Variants in CCDC171 observed in about 807,000 individuals in gnomAD.
CCDC171 encodes the protein coiled-coil domain containing 171.
Under a neutral mutation model 168.2 loss-of-function variants are expected in CCDC171, and 177 were observed. The ratio of observed to expected loss-of-function variants is 1.05; its 90% CI spans 0.93 to 1.19. CCDC171 has a LOEUF of 1.19. CCDC171 is among the 50% of genes most tolerant of loss of function. The probability of loss-of-function intolerance (pLI) is 0.00; values close to 1 mark genes in which losing one functional copy is unlikely to be tolerated. For synonymous variants in CCDC171, 687 were observed against 540.8 expected (o/e 1.27, Z -3.75); for missense variants, 1,991 against 1,539.0 (o/e 1.29, Z -4.91).
intron 9 of CCDC171, among the ~76,000 whole-genome samples, chr9:15,675,910 T>C (rs1434485679): frequency 6.6e-6 from 1 of 152,306 alleles, no homozygotes; most frequent in East Asian, 1.9e-4. Flanking sequence ...TGAATTTGAA[T>C]GTTGTCTTGT....
At chr9:15,884,186 C>G (rs1426224513) in intron 24 of CCDC171, among the ~76,000 whole-genome samples, 1 of 152,012 alleles carries the variant, frequency 6.6e-6, no homozygotes. Flanking sequence ...ACCCCTTGAC[C>G]CTGAATTCTT....
At chr9:16,085,092 C>T in the CCDC171 span, among the ~76,000 whole-genome samples, 2 of 152,138 alleles carry the variant, frequency 1.3e-5, no homozygotes, top group African/African-American at 2.4e-5. Context: ...CTGGGAGGGG[C>T]CCTACTGAAC....
chr9:15,630,582 C>CT (rs1183537133), intron 7 of CCDC171, among the ~76,000 whole-genome samples: 1 of 152,186 alleles, frequency 6.6e-6, no homozygotes, highest in East Asian at 1.9e-4. Context: ...TAATGGGAGA[C>CT]TTTAACACCC....
intron 2 of CCDC171, among the ~76,000 whole-genome samples, chr9:15,568,492 G>A (rs377272951): frequency 5.9e-5 from 9 of 152,084 alleles, no homozygotes; most frequent in Non-Finnish European, 1.3e-4. Context: ...GGATGGTCTC[G>A]ATCTCCTGAC....
chr9:15,716,264 A>C (rs117425343), intron 11 of CCDC171, among the ~76,000 whole-genome samples: 105 of 152,238 alleles, frequency 6.9e-4, no homozygotes, highest in Non-Finnish European at 1.4e-3. Flanking sequence ...TCTATTCTTC[A>C]TTTGGAATTT....
chr9:15,869,949 A>G (rs73422753), intron 23 of CCDC171, among the ~76,000 whole-genome samples: 2,787 of 152,018 alleles, frequency 0.018, 93 homozygotes, highest in African/African-American at 0.064. Context: ...TTTCTTCTAT[A>G]TCTCCAGAGC....
At chr9:15,654,696 G>C (rs2047785687) in intron 7 of CCDC171, among the ~76,000 whole-genome samples, 1 of 152,146 alleles carries the variant, frequency 6.6e-6, no homozygotes, top group South Asian at 2.1e-4. Context: ...AATAGGAACA[G>C]CTCCAGTCTA....
chr9:15,876,195 C>T (rs1462386402), intron 24 of CCDC171: 1 of 152,084 alleles, frequency 6.6e-6, no homozygotes, highest in African/African-American at 2.4e-5. Flanking sequence ...AAACTACTGT[C>T]TTTTCCAGGT....
intron 6 of CCDC171, among the ~76,000 whole-genome samples, chr9:15,609,773 C>T (rs533981034): frequency 7.0e-4 from 106 of 152,174 alleles, no homozygotes; most frequent in African/African-American, 2.2e-3. Context: ...TTTCCTCTGT[C>T]TTTATTCTTA....
chr9:15,609,171 C>G (rs1425776477), intron 6 of CCDC171, among the ~76,000 whole-genome samples: 1 of 151,294 alleles, frequency 6.6e-6, no homozygotes, highest in African/African-American at 2.4e-5. Context: ...GTGATCTTGG[C>G]TCACTGCAAC....
intron 22 of CCDC171, 49 bp from the exon 23 acceptor site, chr9:15,848,844 T>C: frequency 9.9e-7 from 1 of 1,011,552 alleles, no homozygotes; most frequent in Non-Finnish European, 1.5e-6. Flanking sequence ...GTGTAACAGT[T>C]GTAGTAAGGT....
intron 11 of CCDC171, among the ~76,000 whole-genome samples, chr9:15,711,193 C>T (rs893125548): frequency 7.2e-5 from 11 of 152,010 alleles, no homozygotes; most frequent in Non-Finnish European, 1.3e-4. Flanking sequence ...AATATGAATA[C>T]GAATAATCAC....
chr9:15,869,844 G>A (rs916413683), intron 23 of CCDC171, among the ~76,000 whole-genome samples: 2 of 151,684 alleles, frequency 1.3e-5, no homozygotes, highest in African/African-American at 2.4e-5. Context: ...CTGTATTGGC[G>A]ATATAAACTT....
In CCDC171 at chr9:16,043,357, G is replaced by A. The variant is rs80121203; in HGVS notation, n.89+471G>A. On this transcript the variant is annotated intron_variant and non_coding_transcript_variant, in intron 1 of 1. Transcript: ENST00000478913. ...TGTTAATTTATTATGACTATCATTTGTATTAGGGAGCTACATTACCAACAT... is the reference window on the plus strand; with the variant it reads ...TGTTAATTTATTATGACTATCATTTATATTAGGGAGCTACATTACCAACAT... Among the ~76,000 whole-genome samples the A allele has an allele frequency of 7.9e-5, 12 of 152,114 alleles. No homozygotes were observed. In the East Asian group the frequency reaches 2.3e-3, roughly 29 times the overall value.
intron 3 of CCDC171, among the ~76,000 whole-genome samples, chr9:15,995,096 C>T (rs1331933839): frequency 6.6e-6 from 1 of 152,206 alleles, no homozygotes; most frequent in East Asian, 1.9e-4. Flanking sequence ...TGAAAACCCA[C>T]ACCCACGCCT....
intron 7 of CCDC171, among the ~76,000 whole-genome samples, chr9:15,624,470 A>G (rs2044864285): frequency 6.6e-6 from 1 of 151,148 alleles, no homozygotes; most frequent in Non-Finnish European, 1.5e-5. Context: ...CCACTCCCCC[A>G]CCCCATGACA....
At chr9:15,791,222 T>C (rs372302993) in intron 21 of CCDC171, among the ~76,000 whole-genome samples, 2 of 152,292 alleles carry the variant, frequency 1.3e-5, no homozygotes, top group South Asian at 2.1e-4. Context: ...ATTCTTCCTA[T>C]CCATGAGCAT....
chr9:15,820,135 A>G (rs1473404916), intron 21 of CCDC171, among the ~76,000 whole-genome samples: 2 of 117,978 alleles, frequency 1.7e-5, no homozygotes, highest in Non-Finnish European at 3.8e-5. Context: ...GTGTTCTTTG[A>G]GACCAATGAG....
rs1235286284 is a variant in CCDC171 at position 15,821,341 on chromosome 9, A to G, written c.3268-25361A>G. Among the ~76,000 whole-genome samples, 68 of 117,174 alleles carry G rather than the reference A, an allele frequency of 5.8e-4. 17 individuals carry two copies. Among genetic ancestry groups the G allele is most frequent in the African/African-American group, 1.9e-3 (58 of 31,152 alleles). The allele number at this position is 117,174 out of a possible 152,430, so 76.9% of individuals were successfully genotyped here. A position where few individuals can be genotyped will look rare whatever the true frequency, so the allele number is the denominator to read the frequency against. On this transcript the variant is annotated intron_variant, in intron 21 of 25. Transcript: ENST00000380701. Reference sequence around the variant, plus strand: ...AGTGTTGGAAGTTCTGGCCAGGGCAATCAGGCAGGAGAAGGAAATAAAGGG... The same window carrying G: ...AGTGTTGGAAGTTCTGGCCAGGGCAGTCAGGCAGGAGAAGGAAATAAAGGG...
Sources: gnomAD v4.1 joint callset for allele counts (sites outside exome capture counted in the v4.1 genomes callset) on GRCh38, gnomAD v4.1.1 for gene constraint, MANE v1.5 for transcripts, NCBI Gene and HGNC (gene_info 2026-07-23, HGNC 2026-07-21) for gene names.